Variants in SNX16 observed in about 807,000 individuals in gnomAD.
The protein encoded by SNX16 is sorting nexin 16.
SNX16 carries 35 observed loss-of-function variants against 36.7 expected under a neutral mutation model. The observed-to-expected ratio is 0.95, with a 90% confidence interval of 0.73 to 1.27. SNX16 has a LOEUF of 1.27. SNX16 is among the 50% of genes most tolerant of loss of function. SNX16 has a pLI of 0.00. For synonymous variants in SNX16, 134 were observed against 132.0 expected (o/e 1.02, Z -0.10); for missense variants, 367 against 393.6 (o/e 0.93, Z 0.57).
At chr8:81,819,078 G>C (rs1810619410) in intron 4 of SNX16, among the ~76,000 whole-genome samples, 1 of 152,020 alleles carries the variant, frequency 6.6e-6, no homozygotes, top group African/African-American at 2.4e-5. Context: ...TAAAAAAATA[G>C]ATGTAGAATT....
rs1809677548 is a variant in SNX16 at position 81,801,358 on chromosome 8, T to G, written c.*139A>C. On this transcript the variant is annotated 3_prime_UTR_variant, in exon 8 of 8. Coordinates refer to ENST00000345957, the MANE Select transcript of SNX16 (RefSeq NM_152836.3). Reference sequence around the variant, plus strand: ...TCCTATCTCAATAACTTAAAAAAACTTCTTTATGTAAACTTTATACATGTG... The same window carrying G: ...TCCTATCTCAATAACTTAAAAAAACGTCTTTATGTAAACTTTATACATGTG... The G allele has an allele frequency of 2.3e-6, 1 of 444,058 alleles. No individual in the cohort carries two copies. 27.5% of individuals were successfully genotyped at this position (444,058 alleles called of 1,614,324 possible). A position where few individuals can be genotyped will look rare whatever the true frequency, so the allele number is the denominator to read the frequency against.
At chr8:81,828,328 C>G (rs1404955672) in intron 3 of SNX16, among the ~76,000 whole-genome samples, 1 of 152,192 alleles carries the variant, frequency 6.6e-6, no homozygotes, top group Non-Finnish European at 1.5e-5. Flanking sequence ...ATTTAAATAT[C>G]TGTCAGCTTG....
At chr8:81,824,075 T>C (rs1288609815) in intron 3 of SNX16, 135 bp from the exon 4 acceptor site, 7 of 810,876 alleles carry the variant, frequency 8.6e-6, no homozygotes, top group Non-Finnish European at 5.6e-6. Flanking sequence ...TTAAGCTTTT[T>C]ATGCCTTGTT....
chr8:81,813,771 C>G (rs1282667849), intron 5 of SNX16, among the ~76,000 whole-genome samples: 2 of 151,706 alleles, frequency 1.3e-5, no homozygotes, highest in Non-Finnish European at 3.0e-5. Flanking sequence ...AAGACGTGAA[C>G]AGACATTTCA....
intron 4 of SNX16, among the ~76,000 whole-genome samples, chr8:81,820,094 C>T (rs766334331): frequency 3.2e-4 from 49 of 152,054 alleles, no homozygotes; most frequent in Non-Finnish European, 6.3e-4. Flanking sequence ...TCCAACTGTA[C>T]CAGAATGCTA....
chr8:81,831,869 T>TA lies in SNX16; in HGVS notation c.376-2354dup, dbSNP rs1204555927. ...AATGTAAATCAAAACCACAATGAGATACCATCTCACAGAAGTCAGAATGGC... is the reference window on the plus strand; with the variant it reads ...AATGTAAATCAAAACCACAATGAGATAACCATCTCACAGAAGTCAGAATGGC... On this transcript the variant is annotated intron_variant, in intron 2 of 7. Coordinates refer to ENST00000345957, the MANE Select transcript of SNX16 (RefSeq NM_152836.3). Among the ~76,000 whole-genome samples, 5 of 152,256 alleles carry TA rather than the reference T, an allele frequency of 3.3e-5. No homozygotes were observed. In the South Asian group the frequency reaches 1.0e-3, roughly 32 times the overall value.
chr8:81,823,802 T>C lies in SNX16; in HGVS notation c.601A>G (p.Ile201Val), dbSNP rs1167085290. The part of the protein sequence containing the change: ...FLQNLVAHKD[I>V]ANCLAVREFL... ...CAATTCGTTACATACCAGTTAGCAA[T>C]GTCCTTGTGAGCTACTAAATTTTGA... Residue 201 changes from isoleucine (I) to valine (V), a missense_variant, in exon 4 of 8, where the codon ATT becomes GTT. By Grantham distance (29) the Ile-to-Val change is conservative. Transcript: ENST00000345957. The C allele has an allele frequency of 3.1e-6, 5 of 1,603,730 alleles. No homozygotes were observed. The highest frequency in any genetic ancestry group is 2.3e-5 in the South Asian group (2 of 88,228).
chr8:81,805,218 AAC>A (rs1563430018), intron 5 of SNX16, among the ~76,000 whole-genome samples: 1 of 152,164 alleles, frequency 6.6e-6, no homozygotes, highest in Non-Finnish European at 1.5e-5. Context: ...TAGACTAAAA[AAC>A]AGTCAATAAT....
chr8:81,840,381 G>C (rs1214325397), intron 1 of SNX16: 2 of 165,142 alleles, frequency 1.2e-5, no homozygotes, highest in African/African-American at 4.8e-5. Context: ...GTAAAAGTTG[G>C]TAGGAGAAAG....
rs540896750 is a variant in SNX16 at position 81,814,280 on chromosome 8, T to TG, written c.681+1044dup. On this transcript the variant is annotated intron_variant, in intron 5 of 7. Coordinates refer to ENST00000345957, the MANE Select transcript of SNX16 (RefSeq NM_152836.3). The stretch of plus-strand genomic sequence containing the variant: ...ATAACATGGAATACCCTCAAAAGCA[T>TG]GCTAAGTGAAATAAATCAGGTGTAA... Among the ~76,000 whole-genome samples the TG allele has an allele frequency of 1.4e-3, 218 of 152,132 alleles. 1 individual carries two copies. The highest frequency in any genetic ancestry group is 3.4e-3 in the Middle Eastern group (1 of 292).
At chr8:81,814,938 C>A (rs915805015) in intron 5 of SNX16, 2 of 153,936 alleles carry the variant, frequency 1.3e-5, no homozygotes, top group Admixed American at 1.3e-4. Context: ...GATAATCACT[C>A]CTACCCCTGA....
rs947310668 is a variant in SNX16, at chr8:81,800,581, A to G, written c.*916T>C. The stretch of plus-strand genomic sequence containing the variant: ...AAAATCAGCCATAATACAGTATAAC[A>G]ACATCTTCACACAAATAGAAATAAA... On this transcript the variant is annotated 3_prime_UTR_variant, in exon 8 of 8. Transcript: ENST00000345957. 1 of 152,292 alleles carries G rather than the reference A, an allele frequency of 6.6e-6. No individual in the cohort carries two copies. The highest frequency in any genetic ancestry group is 2.4e-5 in the African/African-American group (1 of 41,428). 9.4% of individuals were successfully genotyped at this position (152,292 alleles called of 1,614,324 possible).
At chr8:81,809,240 T>C (rs1810114425) in intron 5 of SNX16, among the ~76,000 whole-genome samples, 1 of 152,122 alleles carries the variant, frequency 6.6e-6, no homozygotes, top group Admixed American at 6.5e-5. Flanking sequence ...GAACTGATAG[T>C]TACTGTTGTG....
At chr8:81,824,532 C>T (rs1333921817) in intron 3 of SNX16, among the ~76,000 whole-genome samples, 3 of 150,918 alleles carry the variant, frequency 2.0e-5, no homozygotes, top group African/African-American at 7.4e-5. Context: ...TTTTTTAGAT[C>T]ATAAAAAAAG....
chr8:81,828,350 A>G lies in SNX16; in HGVS notation c.462+1080T>C, dbSNP rs143900707. Among the ~76,000 whole-genome samples, 3 of 152,262 alleles carry G rather than the reference A, an allele frequency of 2.0e-5. No homozygotes were observed. The East Asian group carries it at 5.8e-4, about 29-fold the overall frequency. On this transcript the variant is annotated intron_variant, in intron 3 of 7. Coordinates refer to ENST00000345957, the MANE Select transcript of SNX16 (RefSeq NM_152836.3). ...TATCTGTCAGCTTGACAGGTGAAAA[A>G]GAGTGTCTTAGTTTCCTTTTCTTGG... is the stretch of plus-strand genomic sequence containing the variant.
chr8:81,808,314 T>C (rs1810063313), intron 5 of SNX16: 1 of 1,235,336 alleles, frequency 8.1e-7, no homozygotes, highest in East Asian at 2.3e-5. Flanking sequence ...GGAAGACCTG[T>C]CAAAGCAAGA....
intron 5 of SNX16, 126 bp from the exon 6 acceptor site, chr8:81,803,354 T>A: frequency 1.0e-6 from 1 of 965,658 alleles, no homozygotes; most frequent in South Asian, 1.9e-5. Flanking sequence ...AATAATAGTA[T>A]GAAACTCCAA....
At chr8:81,839,564 A>G in intron 2 of SNX16, 48 bp downstream of exon 2, 1 of 1,507,272 alleles carries the variant, frequency 6.6e-7, no homozygotes, top group Non-Finnish European at 8.9e-7. Context: ...CACAGAGATT[A>G]GCCAATCTTT....
Position 81,801,420 on chromosome 8 carries a change from G to A in SNX16, c.*77C>T. On this transcript the variant is annotated 3_prime_UTR_variant, in exon 8 of 8. Coordinates refer to ENST00000345957, the MANE Select transcript of SNX16 (RefSeq NM_152836.3). The stretch of plus-strand genomic sequence containing the variant: ...TTTTCTATATGTTTTACAGTTCTTG[G>A]TTCTTCTTTTAAAATAGTATTTGCC... 1 of 803,776 alleles carries A rather than the reference G, an allele frequency of 1.2e-6. No homozygotes were observed. Among genetic ancestry groups the A allele is most frequent in the Non-Finnish European group, 1.9e-6 (1 of 517,000 alleles). 49.8% of individuals were successfully genotyped at this position (803,776 alleles called of 1,614,324 possible).
Sources: allele counts gnomAD v4.1 joint callset (sites outside exome capture counted in the v4.1 genomes callset), GRCh38; gene constraint gnomAD v4.1.1; transcripts MANE v1.5; gene names NCBI Gene and HGNC (gene_info 2026-07-23, HGNC 2026-07-21).